CDC14B: variants seen among roughly 807,000 people sequenced by gnomAD.
CDC14B encodes the protein dual specificity protein phosphatase CDC14B.
CDC14B carries 22 observed loss-of-function variants against 64.2 expected under a neutral mutation model. The observed-to-expected ratio is 0.34, with a 90% CI of 0.24 to 0.49. CDC14B has a LOEUF of 0.49. Ranked by LOEUF, CDC14B falls within the 20% of genes least tolerant of loss-of-function variation. The probability of loss-of-function intolerance (pLI) is 0.99; values close to 1 mark genes in which losing one functional copy is unlikely to be tolerated. For missense variants in CDC14B, 498 were observed against 629.9 expected (o/e 0.79, Z 2.24); for synonymous variants, 191 against 215.8 (o/e 0.89, Z 1.01).
At position 96,503,783 on chromosome 9, in the gene CDC14B, G is replaced by A; in HGVS notation, c.1467C>T (p.Ser489=). Residue 489 remains serine, a synonymous_variant, in exon 14 of 14, where the codon TCC becomes TCT. Transcript: ENST00000375241. ...GCAAGACTGTTTTAGTCCTTGAAAT[G>A]GAGAGACTACAGGGGGAAAAAAAAG... ...ASRKSSVKSL[S]ISRTKTVLR is the part of the protein sequence containing the mutation. 2 of 1,613,696 alleles carry A rather than the reference G, an allele frequency of 1.2e-6. No homozygotes were observed. Among genetic ancestry groups the A allele is most frequent in the Non-Finnish European group, 1.7e-6 (2 of 1,179,760 alleles).
At chr9:96,589,631 A>G (rs766094502) in intron 1 of CDC14B, among the ~76,000 whole-genome samples, 7 of 152,144 alleles carry the variant, frequency 4.6e-5, no homozygotes, top group Non-Finnish European at 7.3e-5. Flanking sequence ...TAGTCTGCAA[A>G]TAGAAATAGA....
At chr9:96,575,134 A>G (rs1468728559) in intron 1 of CDC14B, among the ~76,000 whole-genome samples, 1 of 152,196 alleles carries the variant, frequency 6.6e-6, no homozygotes, top group Non-Finnish European at 1.5e-5. Context: ...AAGAGGGTGG[A>G]GGAGGCACTA....
chr9:96,523,944 T>C (rs1488319813), intron 9 of CDC14B, among the ~76,000 whole-genome samples: 1 of 152,202 alleles, frequency 6.6e-6, no homozygotes, highest in Non-Finnish European at 1.5e-5. Context: ...ATTTATCTAT[T>C]TATTTTTGAG....
At chr9:96,512,046 C>T (rs1391177022) in intron 12 of CDC14B, among the ~76,000 whole-genome samples, 2 of 151,766 alleles carry the variant, frequency 1.3e-5, no homozygotes, top group Non-Finnish European at 2.9e-5. Context: ...GTGAGACATC[C>T]TCTCTATAAA....
chr9:96,601,397 T>C (rs1846442740), intron 1 of CDC14B, among the ~76,000 whole-genome samples: 1 of 151,934 alleles, frequency 6.6e-6, no homozygotes, highest in Non-Finnish European at 1.5e-5. Flanking sequence ...CTTGGGAGGC[T>C]GAGGCAGGAG....
chr9:96,526,744 G>C (rs1837624292), intron 9 of CDC14B, among the ~76,000 whole-genome samples: 1 of 152,128 alleles, frequency 6.6e-6, no homozygotes, highest in Non-Finnish European at 1.5e-5. Context: ...ACTAACATTT[G>C]AGGCTGGATA....
intron 7 of CDC14B, among the ~76,000 whole-genome samples, chr9:96,536,948 G>T: frequency 6.6e-6 from 1 of 152,120 alleles, no homozygotes; most frequent in East Asian, 1.9e-4. Context: ...GAACACACCT[G>T]TGGTTTTGCC....
intron 1 of CDC14B, among the ~76,000 whole-genome samples, chr9:96,596,624 G>T (rs746388304): frequency 1.6e-4 from 24 of 152,136 alleles, no homozygotes; most frequent in Non-Finnish European, 2.8e-4. Flanking sequence ...ATTTTAGGAG[G>T]CCAAGGAGGG....
intron 9 of CDC14B, among the ~76,000 whole-genome samples, chr9:96,524,914 TA>T (rs1460590368): frequency 6.6e-6 from 1 of 152,184 alleles, no homozygotes; most frequent in Admixed American, 6.5e-5. Flanking sequence ...GATCATGAGA[TA>T]GGGGTCACTG....
chr9:96,612,947 T>C (rs1472355923), intron 1 of CDC14B, among the ~76,000 whole-genome samples: 1 of 152,242 alleles, frequency 6.6e-6, no homozygotes, highest in Non-Finnish European at 1.5e-5. Flanking sequence ...ATGATGTACT[T>C]GTTTTGCTCA....
At chr9:96,564,542 G>A (rs559943338) in intron 3 of CDC14B, among the ~76,000 whole-genome samples, 12 of 152,108 alleles carry the variant, frequency 7.9e-5, no homozygotes, top group African/African-American at 2.4e-4. Flanking sequence ...CAAGTATTTG[G>A]GCATCACTAA....
At chr9:96,528,933 C>T (rs1463810712) in intron 9 of CDC14B, among the ~76,000 whole-genome samples, 1 of 152,154 alleles carries the variant, frequency 6.6e-6, no homozygotes, top group African/African-American at 2.4e-5. Context: ...AGTCCTCTTC[C>T]CATTTATGAA....
At chr9:96,550,433 T>C (rs1841635287) in intron 5 of CDC14B, among the ~76,000 whole-genome samples, 1 of 152,228 alleles carries the variant, frequency 6.6e-6, no homozygotes, top group African/African-American at 2.4e-5. Flanking sequence ...AGGGAGATTC[T>C]GCCAATAATT....
intron 1 of CDC14B, chr9:96,618,406 ACC>A (rs1418800933): frequency 2.4e-5 from 12 of 497,984 alleles, no homozygotes; most frequent in Non-Finnish European, 4.1e-5. Context: ...ATCCCAGCAA[ACC>A]TAACAGCTGC....
Position 96,522,577 on chromosome 9 carries a change from T to G in CDC14B, c.1272A>C (p.Gly424=), listed in dbSNP as rs1345868948. 6.2e-7 allele frequency: 1 copy of G among 1,612,476 alleles called. No individual in the cohort carries two copies. Among genetic ancestry groups the G allele is most frequent in the African/African-American group, 1.3e-5 (1 of 74,900 alleles). ...CCCGAAGTCTATCACCTTGTGTCACTCCATTGATTTCGTCATCATCACTGT... is the reference window on the plus strand; with the variant it reads ...CCCGAAGTCTATCACCTTGTGTCACGCCATTGATTTCGTCATCATCACTGT... The part of the protein sequence containing the change: ...EPYSDDDEIN[G]VTQGDRLRAL... The change falls in exon 12 of 14, where the codon GGA becomes GGC. Residue 424 remains glycine (G), a synonymous_variant. Transcript: ENST00000375241.
chr9:96,493,424 T>A (rs536640418), intron 13 of CDC14B, among the ~76,000 whole-genome samples: 1 of 152,326 alleles, frequency 6.6e-6, no homozygotes, highest in African/African-American at 2.4e-5. Flanking sequence ...TTGGCCTGGC[T>A]GTGTCCCACA....
chr9:96,550,708 C>T (rs1250998383), intron 5 of CDC14B, among the ~76,000 whole-genome samples: 1 of 152,144 alleles, frequency 6.6e-6, no homozygotes, highest in Non-Finnish European at 1.5e-5. Context: ...CCATTAAGTA[C>T]CATACAAGTA....
At chr9:96,523,540 CA>C in intron 10 of CDC14B, 46 bp downstream of exon 10, 1 of 1,610,842 alleles carries the variant, frequency 6.2e-7, no homozygotes, top group Non-Finnish European at 8.5e-7. Flanking sequence ...CATCAGATTC[CA>C]ACCCCACATG....
At chr9:96,548,795 T>C (rs960921855) in intron 5 of CDC14B, among the ~76,000 whole-genome samples, 2 of 150,826 alleles carry the variant, frequency 1.3e-5, no homozygotes, top group Non-Finnish European at 2.9e-5. Flanking sequence ...AGCAAGAATC[T>C]GTCTTTAAAA....
Sources: gnomAD v4.1 joint callset for allele counts (sites outside exome capture counted in the v4.1 genomes callset) on GRCh38, gnomAD v4.1.1 for gene constraint, MANE v1.5 for transcripts, NCBI Gene and HGNC (gene_info 2026-07-23, HGNC 2026-07-21) for gene names.